NRG1: variants seen among roughly 807,000 people sequenced by gnomAD.
NRG1 encodes the protein neuregulin 1, also known as pro-neuregulin-1, membrane-bound isoform.
A neutral mutation model predicts 63.8 loss-of-function variants in NRG1; 18 were observed. That is an observed-to-expected ratio of 0.28 (90% CI 0.19 to 0.42). NRG1 has a LOEUF of 0.42. Ranked by LOEUF, NRG1 falls within the 10% of genes least tolerant of loss-of-function variation. The pLI is 1.00. For missense variants in NRG1, 762 were observed against 814.7 expected, an observed-to-expected ratio of 0.94 and a Z score of 0.79; for synonymous variants, 302 against 301.3, an observed-to-expected ratio of 1.00 and a Z score of -0.02.
intron 1 of NRG1, among the ~76,000 whole-genome samples, chr8:31,913,178 A>G (rs1833088120): frequency 6.6e-6 from 1 of 152,236 alleles, no homozygotes; most frequent in African/African-American, 2.4e-5. Context: ...TAGGTTTGCC[A>G]GACTCCAAAG....
chr8:32,722,091 T>A, intron 5 of NRG1: 1 of 1,392,744 alleles, frequency 7.2e-7, no homozygotes, highest in Non-Finnish European at 9.8e-7. Context: ...CAGTTTAATA[T>A]TCAAACATTT....
At chr8:32,547,283 G>A (rs1833170475), upstream of NRG1, among the ~76,000 whole-genome samples, 1 of 152,134 alleles carries the variant, frequency 6.6e-6, no homozygotes, top group South Asian at 2.1e-4. Flanking sequence ...GACAAGGGAA[G>A]GAGTAGGTTT....
At chr8:31,850,220 A>T (rs1038279082) in intron 1 of NRG1, among the ~76,000 whole-genome samples, 1 of 152,114 alleles carries the variant, frequency 6.6e-6, no homozygotes, top group Admixed American at 6.5e-5. Flanking sequence ...TAGGGTAATA[A>T]GGTGTGATCT....
chr8:32,070,065 A>G (rs113071961), intron 1 of NRG1, among the ~76,000 whole-genome samples: 1 of 152,324 alleles, frequency 6.6e-6, no homozygotes, highest in African/African-American at 2.4e-5. Context: ...AATAAAAGGT[A>G]GTAAACTTGA....
At chr8:32,403,026 C>T (rs1265477965) in intron 1 of NRG1, among the ~76,000 whole-genome samples, 1 of 151,956 alleles carries the variant, frequency 6.6e-6, no homozygotes, top group Admixed American at 6.6e-5. Flanking sequence ...TGGCCGGGCA[C>T]AGTGGCTCAC....
chr8:31,831,258 T>A (rs1167491476), intron 1 of NRG1, among the ~76,000 whole-genome samples: 1 of 152,004 alleles, frequency 6.6e-6, no homozygotes, highest in Non-Finnish European at 1.5e-5. Flanking sequence ...CACACCACCA[T>A]GCCCGGCTAA....
intron 3 of NRG1, among the ~76,000 whole-genome samples, chr8:32,613,709 G>GAT (rs769496139): frequency 1.3e-5 from 2 of 151,966 alleles, no homozygotes; most frequent in African/African-American, 2.4e-5. Flanking sequence ...AAACTTGAAT[G>GAT]ATATACATCA....
rs2976528 is a variant in NRG1, at chr8:32,720,367, G to A, written c.503-7582G>A. Among the ~76,000 whole-genome samples, 1,152 of 152,226 alleles carry A rather than the reference G, an allele frequency of 7.6e-3. 6 individuals are homozygous for A. Among genetic ancestry groups the A allele is most frequent in the Non-Finnish European group, 0.012 (819 of 67,994 alleles). ...GTGTGCCTTCCACATTTAGCCTGGT[G>A]AGGTCTATAAATATATCAAATTAAG... On this transcript the variant is annotated intron_variant, in intron 5 of 11. Coordinates refer to ENST00000356819, the Ensembl canonical transcript of NRG1.
At chr8:31,771,058 C>T (rs1178553093) in intron 1 of NRG1, among the ~76,000 whole-genome samples, 3 of 152,068 alleles carry the variant, frequency 2.0e-5, no homozygotes, top group Admixed American at 2.0e-4. Context: ...GAAACTTTAT[C>T]ACATGTATAG....
intron 1 of NRG1, among the ~76,000 whole-genome samples, chr8:32,196,943 CTTTTTTTTTTTTT>C (rs773398472): frequency 0.047 from 1,294 of 27,444 alleles, 23 homozygotes; most frequent in South Asian, 0.14. Context: ...TCAGAACATT[CTTTTTTTTTTTTT>C]TTTTTTTTTT....
At chr8:31,867,517 T>A (rs1432390858) in intron 1 of NRG1, among the ~76,000 whole-genome samples, 3 of 152,184 alleles carry the variant, frequency 2.0e-5, no homozygotes, top group Non-Finnish European at 4.4e-5. Flanking sequence ...TTAATCTGCA[T>A]GTTTATAATT....
chr8:32,701,216 T>C lies in NRG1; in HGVS notation c.503-26733T>C, dbSNP rs575476460. 2.0e-5 allele frequency among the ~76,000 whole-genome samples: 3 copies of C among 152,338 alleles called. No individual in the cohort carries two copies. In the South Asian group the frequency reaches 6.2e-4, roughly 32 times the overall value. On this transcript the variant is annotated intron_variant, in intron 5 of 11. Transcript: ENST00000356819. ...AAGAATGTATGTATATTCTAATATA[T>C]ATTGTGTAAGTATACTAATGATTCA... is the stretch of plus-strand genomic sequence containing the variant.
chr8:32,752,498 G>C (rs117527016), intron 7 of NRG1, among the ~76,000 whole-genome samples: 88 of 152,210 alleles, frequency 5.8e-4, no homozygotes, highest in Middle Eastern at 6.8e-3. Flanking sequence ...TTCTAATTGT[G>C]GCTTCCACAT....
intron 1 of NRG1, among the ~76,000 whole-genome samples, chr8:31,745,213 C>T (rs931688400): frequency 6.6e-6 from 1 of 151,834 alleles, no homozygotes; most frequent in Non-Finnish European, 1.5e-5. Context: ...TGCTGAGTAG[C>T]TGGTGGAAGG....
intron 1 of NRG1, among the ~76,000 whole-genome samples, chr8:32,073,997 G>A (rs10954823): frequency 0.97 from 147,966 of 152,292 alleles, 72,030 homozygotes; most frequent in East Asian, 1. Context: ...CATTGTACAA[G>A]TATCACTAGA....
intron 1 of NRG1, among the ~76,000 whole-genome samples, chr8:32,153,258 C>T (rs1016885101): frequency 6.6e-6 from 1 of 152,106 alleles, no homozygotes; most frequent in African/African-American, 2.4e-5. Flanking sequence ...GAAGAAGAAG[C>T]AATCCCAGGA....
chr8:32,037,824 C>A (rs1819317473), intron 1 of NRG1, among the ~76,000 whole-genome samples: 1 of 152,174 alleles, frequency 6.6e-6, no homozygotes, highest in Non-Finnish European at 1.5e-5. Flanking sequence ...GTGGTAGCCA[C>A]CCCTTCCCCC....
intron 3 of NRG1, among the ~76,000 whole-genome samples, chr8:32,608,092 GT>G (rs1226154193): frequency 1.2e-3 from 130 of 106,198 alleles, no homozygotes; most frequent in Middle Eastern, 5.6e-3. Flanking sequence ...GGTTTTTTTT[GT>G]TTTTTTTTTT....
intron 6 of NRG1, among the ~76,000 whole-genome samples, chr8:32,732,036 A>G (rs60088054): frequency 0.11 from 16,742 of 152,206 alleles, 992 homozygotes; most frequent in African/African-American, 0.12. Flanking sequence ...TCTGCTTAGA[A>G]CAAGGTGTTT....
Sources: gnomAD v4.1 joint callset for allele counts (sites outside exome capture counted in the v4.1 genomes callset) on GRCh38, gnomAD v4.1.1 for gene constraint, MANE v1.5 for transcripts, NCBI Gene and HGNC (gene_info 2026-07-23, HGNC 2026-07-21) for gene names.